The following TMC1 variants were observed in gnomAD, a reference collection of about 807,000 sequenced individuals.
TMC1 encodes transmembrane channel like 1, also known as transmembrane channel-like protein 1.
In TMC1, 84 loss-of-function variants were observed where a neutral mutation model predicts 105.8. The observed-to-expected ratio is 0.79, with a 90% confidence interval of 0.67 to 0.95. The LOEUF (loss-of-function observed/expected upper bound fraction) is 0.95. Ranked by LOEUF, TMC1 falls within the 40% of genes least tolerant of loss-of-function variation. The probability of loss-of-function intolerance (pLI) is 0.00; values close to 1 mark genes in which losing one functional copy is unlikely to be tolerated. For missense variants in TMC1, 817 were observed against 914.1 expected (o/e 0.89, Z 1.37); for synonymous variants, 315 against 311.5 (o/e 1.01, Z -0.12).
chr9:72,529,939 A>G (rs1013439718), intron 1 of TMC1, among the ~76,000 whole-genome samples: 1 of 152,116 alleles, frequency 6.6e-6, no homozygotes, highest in African/African-American at 2.4e-5. Context: ...AGAATAAAAG[A>G]CACCCTCCCC....
chr9:72,640,189 G>A (rs1825603127), intron 4 of TMC1, among the ~76,000 whole-genome samples: 1 of 152,160 alleles, frequency 6.6e-6, no homozygotes, highest in Non-Finnish European at 1.5e-5. Flanking sequence ...TTGTATTATG[G>A]TGTGATAATA....
intron 8 of TMC1, among the ~76,000 whole-genome samples, chr9:72,724,720 G>T (rs1031082412): frequency 1.3e-5 from 2 of 152,182 alleles, no homozygotes; most frequent in Non-Finnish European, 2.9e-5. Flanking sequence ...ATTATATATA[G>T]TAAGACACAT....
chr9:72,806,629 C>A lies in TMC1; in HGVS notation c.1695+1119C>A, dbSNP rs558422674. 4.0e-3 allele frequency among the ~76,000 whole-genome samples: 600 copies of A among 149,706 alleles called. 4 individuals carry two copies. The highest frequency in any genetic ancestry group is 0.014 in the African/African-American group (565 of 40,630). On this transcript the variant is annotated intron_variant, in intron 18 of 23. Coordinates refer to ENST00000297784, the MANE Select transcript of TMC1 (RefSeq NM_138691.3). ...GCTCCTCACCTCCCAGACGGGGTCG[C>A]AGCCGGGCAGAGGTGCTCCTCACAT...
At chr9:72,773,237 T>C (rs946646906) in intron 13 of TMC1, among the ~76,000 whole-genome samples, 5 of 152,164 alleles carry the variant, frequency 3.3e-5, no homozygotes, top group Non-Finnish European at 7.3e-5. Context: ...AAAATGACCC[T>C]TTAGCCAATT....
At chr9:72,555,973 CAAAAAAAAAA>C (rs59431883) in intron 1 of TMC1, among the ~76,000 whole-genome samples, 387 of 42,592 alleles carry the variant, frequency 9.1e-3, no homozygotes, top group African/African-American at 0.033. Context: ...ATGACTAAGG[CAAAAAAAAAA>C]AAAAAAAAAA....
chr9:72,720,196 T>C (rs974136007), intron 8 of TMC1, among the ~76,000 whole-genome samples: 2 of 152,178 alleles, frequency 1.3e-5, no homozygotes, highest in African/African-American at 4.8e-5. Context: ...AATTAATAAG[T>C]GATAGATCCA....
chr9:72,792,391 T>TA (rs749025915), intron 17 of TMC1, 39 bp downstream of exon 17: 6 of 1,612,330 alleles, frequency 3.7e-6, no homozygotes, highest in Admixed American at 3.3e-5. Flanking sequence ...ATTAGTAGAT[T>TA]AAAAAAAGAG....
intron 5 of TMC1, among the ~76,000 whole-genome samples, chr9:72,673,821 C>G (rs1305574247): frequency 1.3e-5 from 2 of 152,128 alleles, no homozygotes; most frequent in African/African-American, 4.8e-5. Flanking sequence ...GACTGTTTCC[C>G]TAGAGAATTG....
intron 1 of TMC1, among the ~76,000 whole-genome samples, chr9:72,560,759 C>T (rs1048134818): frequency 2.0e-5 from 3 of 151,762 alleles, no homozygotes; most frequent in Non-Finnish European, 4.4e-5. Context: ...GCTGGGATTA[C>T]AGGCATGAGC....
intron 1 of TMC1, among the ~76,000 whole-genome samples, chr9:72,537,220 C>T (rs761132877): frequency 2.0e-5 from 3 of 152,162 alleles, no homozygotes; most frequent in Non-Finnish European, 2.9e-5. Flanking sequence ...CCTCCTAGGC[C>T]TCTAGGCTTG....
intron 12 of TMC1, among the ~76,000 whole-genome samples, chr9:72,767,205 C>T (rs1313750535): frequency 6.6e-6 from 1 of 152,192 alleles, no homozygotes; most frequent in African/African-American, 2.4e-5. Flanking sequence ...CCCTCACATA[C>T]CCTCAGCAGA....
At chr9:72,579,782 GA>G (rs565557993) in intron 2 of TMC1, among the ~76,000 whole-genome samples, 120 of 152,208 alleles carry the variant, frequency 7.9e-4, no homozygotes, top group South Asian at 3.3e-3. Flanking sequence ...AGCACTTTGG[GA>G]GGCCAAGGTG....
intron 8 of TMC1, among the ~76,000 whole-genome samples, chr9:72,719,478 A>G (rs1373629): frequency 0.23 from 34,653 of 152,012 alleles, 4,289 homozygotes; most frequent in East Asian, 0.38. Flanking sequence ...GTGAGTGTGT[A>G]TATTCGGGGC....
chr9:72,792,847 C>T lies in TMC1; in HGVS notation c.1566+495C>T, dbSNP rs185808973. 5.0e-4 allele frequency among the ~76,000 whole-genome samples: 76 copies of T among 152,150 alleles called. No individual in the cohort carries two copies. The East Asian group carries it at 0.011, about 22-fold the overall frequency. ...GTTGAGTAAATATAGCACCTTCAAC[C>T]GAAACATCCAGGTACATGCATTGGA... On this transcript the variant is annotated intron_variant, in intron 17 of 23. Transcript: ENST00000297784.
At chr9:72,568,585 A>G (rs1824210734) in intron 1 of TMC1, among the ~76,000 whole-genome samples, 3 of 152,234 alleles carry the variant, frequency 2.0e-5, no homozygotes, top group Admixed American at 1.3e-4. Flanking sequence ...TAAGCTTTAT[A>G]GTTATGAAAT....
chr9:72,694,687 A>G lies in TMC1; in HGVS notation c.209A>G (p.Glu70Gly). 7 of 1,611,424 alleles carry G rather than the reference A, an allele frequency of 4.3e-6. No homozygotes were observed. Among genetic ancestry groups the G allele is most frequent in the Non-Finnish European group, 5.9e-6 (7 of 1,178,610 alleles). The change falls in exon 7 of 24, where the codon GAG (glutamate) becomes GGG (glycine). Residue 70 changes from glutamate (E) to glycine (G), a missense_variant. Glu to Gly is a moderately conservative substitution (Grantham distance 98). Transcript: ENST00000297784. ...DEETRKAREK[E>G]RRRRLKRGAE... ...GAAACAAGGAAGGCAAGAGAAAAAG[A>G]GAGGAGGAGGAGGCTAAAGAGAGGA... is the stretch of plus-strand genomic sequence containing the variant.
At chr9:72,675,803 T>C (rs190827856) in intron 5 of TMC1, among the ~76,000 whole-genome samples, 135 of 152,248 alleles carry the variant, frequency 8.9e-4, no homozygotes, top group African/African-American at 2.8e-3. Flanking sequence ...GTCTTTTCTG[T>C]TGCCACACAA....
At chr9:72,574,869 G>A (rs1162677534) in intron 1 of TMC1, among the ~76,000 whole-genome samples, 1 of 152,096 alleles carries the variant, frequency 6.6e-6, no homozygotes. Flanking sequence ...CTCCCTCATT[G>A]TAACTGTTCA....
chr9:72,786,780 G>A (rs34582672), intron 13 of TMC1, among the ~76,000 whole-genome samples: 30,875 of 151,968 alleles, frequency 0.2, 3,464 homozygotes, highest in African/African-American at 0.29. Context: ...CATGTTAGAT[G>A]TTCCCAGTCT....
Sources: allele counts gnomAD v4.1 joint callset (sites outside exome capture counted in the v4.1 genomes callset), GRCh38; gene constraint gnomAD v4.1.1; transcripts MANE v1.5; gene names NCBI Gene and HGNC (gene_info 2026-07-23, HGNC 2026-07-21).